PRKCB: variants seen among roughly 807,000 people sequenced by gnomAD.
PRKCB encodes protein kinase C beta type.
A neutral mutation model predicts 81.5 loss-of-function variants in PRKCB; 13 were observed. That is an observed-to-expected ratio of 0.16 (90% CI 0.10 to 0.25). PRKCB has a LOEUF of 0.25. Among genes scored for constraint, PRKCB ranks in the 10% least tolerant of loss-of-function variants. PRKCB has a pLI of 1.00. For synonymous variants in PRKCB, 335 were observed against 321.4 expected, an observed-to-expected ratio of 1.04 and a Z score of -0.45; for missense variants, 509 against 875.7, an observed-to-expected ratio of 0.58 and a Z score of 5.29.
rs1310386707 is a variant in PRKCB, at chr16:23,924,477, T to G, written c.206-64031T>G. Among the ~76,000 whole-genome samples, 3 of 152,214 alleles carry G rather than the reference T, an allele frequency of 2.0e-5. No individual in the cohort carries two copies. The East Asian group carries it at 5.8e-4, about 29-fold the overall frequency. On this transcript the variant is annotated intron_variant, in intron 2 of 16. Coordinates refer to ENST00000643927, the MANE Select transcript of PRKCB (RefSeq NM_002738.7). ...AGGAGGGGAGAATCAGAATATTTGA[T>G]CTGGCGACCACCACACAACTGAACT... is the stretch of plus-strand genomic sequence containing the variant.
intron 3 of PRKCB, among the ~76,000 whole-genome samples, chr16:24,015,229 C>T (rs1965261452): frequency 6.6e-6 from 1 of 152,178 alleles, no homozygotes; most frequent in African/African-American, 2.4e-5. Flanking sequence ...GTGTCTGCTC[C>T]AGCACTGTCA....
intron 2 of PRKCB, among the ~76,000 whole-genome samples, chr16:23,910,201 A>C (rs1963628916): frequency 6.6e-6 from 1 of 152,048 alleles, no homozygotes; most frequent in Non-Finnish European, 1.5e-5. Flanking sequence ...AGAGCTTGTC[A>C]TAAGAGATAG....
At chr16:23,930,698 T>C (rs538134424) in intron 2 of PRKCB, among the ~76,000 whole-genome samples, 5 of 152,320 alleles carry the variant, frequency 3.3e-5, no homozygotes, top group African/African-American at 9.6e-5. Context: ...ATTGTTGTTA[T>C]GTCCTCAAAC....
intron 2 of PRKCB, among the ~76,000 whole-genome samples, chr16:23,867,049 C>CTTCCTTCCTTCT (rs1567295178): frequency 4.2e-5 from 3 of 71,810 alleles, no homozygotes; most frequent in Non-Finnish European, 8.5e-5. Flanking sequence ...TCCTTCCTTC[C>CTTCCTTCCTTCT]TTCTCTCTCT....
chr16:24,100,830 G>A (rs1966497473), intron 7 of PRKCB, among the ~76,000 whole-genome samples: 2 of 152,160 alleles, frequency 1.3e-5, no homozygotes, highest in Non-Finnish European at 2.9e-5. Flanking sequence ...CAAAGACTAG[G>A]GTTTTTCAAG....
At chr16:24,123,577 G>A (rs1442207599) in intron 8 of PRKCB, among the ~76,000 whole-genome samples, 1 of 152,196 alleles carries the variant, frequency 6.6e-6, no homozygotes, top group Non-Finnish European at 1.5e-5. Context: ...ATGGAAAGAA[G>A]TAGATGAATT....
rs185557774 is a variant in PRKCB at position 23,936,942 on chromosome 16, C to T, written c.206-51566C>T. Among the ~76,000 whole-genome samples, 425 of 152,194 alleles carry T rather than the reference C, an allele frequency of 2.8e-3. 5 individuals carry two copies. The highest frequency in any genetic ancestry group is 3.4e-3 in the Non-Finnish European group (229 of 68,020). ...GGCATGTGTAGAGTATCTTTAGCGA[C>T]GGGAAATTTCACGAAGGCATCACAT... On this transcript the variant is annotated intron_variant, in intron 2 of 16. Coordinates refer to ENST00000643927, the MANE Select transcript of PRKCB (RefSeq NM_002738.7).
Position 23,837,356 on chromosome 16 carries a change from C to A in PRKCB, c.174-19C>A, listed in dbSNP as rs1962181895. 1 of 1,613,512 alleles carries A rather than the reference C, an allele frequency of 6.2e-7. No homozygotes were observed. Among genetic ancestry groups the A allele is most frequent in the South Asian group, 1.1e-5 (1 of 91,066 alleles). ...GGCCCCCCGGGCTGCCTGACATACACCTCCTTCTGCTTTTGCAGGGGCTTC... is the reference window on the plus strand; with the variant it reads ...GGCCCCCCGGGCTGCCTGACATACAACTCCTTCTGCTTTTGCAGGGGCTTC... On this transcript the variant is annotated intron_variant, in intron 1 of 16. Transcript: ENST00000643927.
At chr16:23,892,487 C>T (rs556761238) in intron 2 of PRKCB, among the ~76,000 whole-genome samples, 11 of 152,232 alleles carry the variant, frequency 7.2e-5, no homozygotes, top group African/African-American at 2.6e-4. Flanking sequence ...CTGCTATTTC[C>T]AAGACAACAA....
At chr16:24,154,621 G>C (rs1967127911) in intron 9 of PRKCB, 63 bp from the exon 10 acceptor site, 11 of 1,535,384 alleles carry the variant, frequency 7.2e-6, no homozygotes, top group Non-Finnish European at 9.8e-6. Context: ...ATGAACACCA[G>C]CTGCTCATAA....
chr16:23,987,576 G>T (rs942189812), intron 2 of PRKCB, among the ~76,000 whole-genome samples: 1 of 152,150 alleles, frequency 6.6e-6, no homozygotes, highest in Admixed American at 6.5e-5. Flanking sequence ...TAGGCAAGTG[G>T]TATCTTTTTG....
chr16:24,133,616 A>C (rs1042423299), intron 9 of PRKCB, among the ~76,000 whole-genome samples: 1 of 152,062 alleles, frequency 6.6e-6, no homozygotes, highest in Admixed American at 6.6e-5. Context: ...AATTCCACTC[A>C]CACCCTGCCC....
chr16:23,860,942 G>A (rs1315709668), intron 2 of PRKCB, among the ~76,000 whole-genome samples: 1 of 151,904 alleles, frequency 6.6e-6, no homozygotes, highest in Non-Finnish European at 1.5e-5. Context: ...TAATTCTTCG[G>A]GTTAAGGAGA....
chr16:24,035,951 G>A (rs1006099256), intron 5 of PRKCB, among the ~76,000 whole-genome samples: 3 of 151,998 alleles, frequency 2.0e-5, no homozygotes, highest in East Asian at 1.9e-4. Context: ...TGCTTCTTCC[G>A]CAAACTTTTC....
intron 8 of PRKCB, among the ~76,000 whole-genome samples, chr16:24,117,534 A>G (rs1339681348): frequency 6.6e-6 from 1 of 152,216 alleles, no homozygotes; most frequent in Admixed American, 6.5e-5. Flanking sequence ...CTAGAATGGT[A>G]GGTACTATTA....
At chr16:23,853,677 T>C (rs1170979742) in intron 2 of PRKCB, among the ~76,000 whole-genome samples, 2 of 152,154 alleles carry the variant, frequency 1.3e-5, no homozygotes, top group Non-Finnish European at 2.9e-5. Context: ...CTTTATCTTA[T>C]CAAACATAGC....
intron 13 of PRKCB, among the ~76,000 whole-genome samples, chr16:24,181,222 C>T (rs1967616766): frequency 6.6e-6 from 1 of 152,142 alleles, no homozygotes. Context: ...TGGCTCACGG[C>T]CATGTGATAC....
intron 15 of PRKCB, among the ~76,000 whole-genome samples, chr16:24,189,655 A>AG (rs1967759619): frequency 6.6e-6 from 1 of 152,024 alleles, no homozygotes; most frequent in African/African-American, 2.4e-5. Context: ...AAAAAAAAAA[A>AG]AAAAAAAGAA....
intron 2 of PRKCB, among the ~76,000 whole-genome samples, chr16:23,966,952 G>A (rs1055361811): frequency 1.3e-5 from 2 of 152,074 alleles, no homozygotes; most frequent in African/African-American, 4.8e-5. Flanking sequence ...AAGAAAAGCC[G>A]GAAACCTGGA....
Sources: gnomAD v4.1 joint callset for allele counts (sites outside exome capture counted in the v4.1 genomes callset) on GRCh38, gnomAD v4.1.1 for gene constraint, MANE v1.5 for transcripts, NCBI Gene and HGNC (gene_info 2026-07-23, HGNC 2026-07-21) for gene names.